CTNNA3: variants seen among roughly 807,000 people sequenced by gnomAD.
CTNNA3 encodes catenin alpha 3, also known as catenin alpha-3.
A neutral mutation model predicts 95.7 loss-of-function variants in CTNNA3; 76 were observed. The ratio of observed to expected loss-of-function variants is 0.79; its 90% confidence interval spans 0.66 to 0.96. The LOEUF is 0.96. Among genes scored for constraint, CTNNA3 ranks in the 40% least tolerant of loss-of-function variants. The pLI, the probability that CTNNA3 is intolerant of heterozygous loss-of-function variation, is 0.00. For missense variants in CTNNA3, 1,191 were observed against 1,089.8 expected, an observed-to-expected ratio of 1.09 and a Z score of -1.31; for synonymous variants, 431 against 374.4, an observed-to-expected ratio of 1.15 and a Z score of -1.74.
chr10:67,138,341 G>T (rs903268920), intron 7 of CTNNA3, among the ~76,000 whole-genome samples: 5 of 152,086 alleles, frequency 3.3e-5, no homozygotes, highest in Non-Finnish European at 5.9e-5. Flanking sequence ...ACTTTCCCAG[G>T]ATTTAACAAA....
intron 7 of CTNNA3, among the ~76,000 whole-genome samples, chr10:67,110,243 T>C (rs1277913000): frequency 6.6e-6 from 1 of 152,218 alleles, no homozygotes; most frequent in Non-Finnish European, 1.5e-5. Flanking sequence ...GTAGAGTCTA[T>C]AATTTGTTAG....
intron 16 of CTNNA3, among the ~76,000 whole-genome samples, chr10:65,986,859 A>G (rs929561432): frequency 2.6e-5 from 4 of 151,804 alleles, no homozygotes; most frequent in Non-Finnish European, 5.9e-5. Context: ...CATTAAAAAA[A>G]AAAACCACAT....
intron 5 of CTNNA3, among the ~76,000 whole-genome samples, chr10:67,256,909 TTTAG>T (rs1866372404): frequency 6.6e-6 from 1 of 152,148 alleles, no homozygotes; most frequent in African/African-American, 2.4e-5. Context: ...TAAGAAAAAG[TTTAG>T]TTAAATAAAA....
chr10:67,026,610 C>T (rs1469182344), intron 7 of CTNNA3, among the ~76,000 whole-genome samples: 1 of 152,086 alleles, frequency 6.6e-6, no homozygotes, highest in Non-Finnish European at 1.5e-5. Flanking sequence ...AAAGAACAGT[C>T]TTCTGAACAT....
chr10:67,401,884 G>A (rs1042886517), intron 5 of CTNNA3, among the ~76,000 whole-genome samples: 1 of 152,104 alleles, frequency 6.6e-6, no homozygotes, highest in South Asian at 2.1e-4. Flanking sequence ...ATTCTGCAAC[G>A]AAGACACCAT....
At chr10:66,420,835 A>AAATAAATAAATTAATTAATTAATT (rs751801209) in intron 11 of CTNNA3, among the ~76,000 whole-genome samples, 4 of 92,994 alleles carry the variant, frequency 4.3e-5, no homozygotes, top group African/African-American at 1.6e-4. Flanking sequence ...ATAAATAAAT[A>AAATAAATAAATTAATTAATTAATT]AATAAAAAAC....
intron 7 of CTNNA3, among the ~76,000 whole-genome samples, chr10:67,142,436 G>A (rs1290426351): frequency 6.6e-6 from 1 of 152,018 alleles, no homozygotes; most frequent in Admixed American, 6.6e-5. Context: ...TGAACCTGCT[G>A]GGTTAAAAAA....
chr10:67,352,014 C>T (rs1488547705), intron 5 of CTNNA3, among the ~76,000 whole-genome samples: 1 of 152,028 alleles, frequency 6.6e-6, no homozygotes, highest in Non-Finnish European at 1.5e-5. Flanking sequence ...ATGCCAAGCA[C>T]TGTGCTAGGC....
intron 15 of CTNNA3, among the ~76,000 whole-genome samples, chr10:66,022,939 C>T (rs1223686889): frequency 6.6e-6 from 1 of 152,166 alleles, no homozygotes; most frequent in Non-Finnish European, 1.5e-5. Context: ...TGAGGACTTC[C>T]CTAAAATAAT....
intron 7 of CTNNA3, among the ~76,000 whole-genome samples, chr10:67,177,302 C>G (rs1483489583): frequency 6.6e-6 from 1 of 152,160 alleles, no homozygotes; most frequent in East Asian, 1.9e-4. Flanking sequence ...TTTATTTAGA[C>G]TCAGAGGAGT....
intron 11 of CTNNA3, among the ~76,000 whole-genome samples, chr10:66,445,468 ACTGT>A (rs1477392568): frequency 6.6e-6 from 1 of 152,158 alleles, no homozygotes; most frequent in African/African-American, 2.4e-5. Flanking sequence ...ATTATAACAA[ACTGT>A]CTCTCAAACC....
At chr10:66,154,482 T>C (rs184574564) in intron 13 of CTNNA3, among the ~76,000 whole-genome samples, 250 of 151,588 alleles carry the variant, frequency 1.6e-3, no homozygotes, top group Admixed American at 6.2e-3. Flanking sequence ...TTTTAGTGGG[T>C]CTTAAAAATA....
intron 10 of CTNNA3, among the ~76,000 whole-genome samples, chr10:66,550,447 C>A (rs1842179913): frequency 6.6e-6 from 1 of 152,128 alleles, no homozygotes; most frequent in South Asian, 2.1e-4. Context: ...AGGCCAGCCA[C>A]CTAATTTAGC....
At chr10:67,360,416 G>GAAAAAAAA (rs74859730) in intron 5 of CTNNA3, among the ~76,000 whole-genome samples, 1 of 99,300 alleles carries the variant, frequency 1.0e-5, no homozygotes, top group African/African-American at 3.7e-5. Context: ...GAGCAAGCAG[G>GAAAAAAAA]AAAAAAAAAA....
chr10:67,422,070 C>G (rs566996391), intron 5 of CTNNA3, among the ~76,000 whole-genome samples: 3 of 151,886 alleles, frequency 2.0e-5, no homozygotes, highest in African/African-American at 7.3e-5. Flanking sequence ...ACAAGACAAA[C>G]TGAGAAAATC....
chr10:66,220,535 T>G (rs1014906620), intron 13 of CTNNA3, among the ~76,000 whole-genome samples: 1 of 152,212 alleles, frequency 6.6e-6, no homozygotes, highest in Non-Finnish European at 1.5e-5. Context: ...CTTTGCTGTC[T>G]ACGGACGGCT....
At chr10:67,355,114 TTG>T (rs1310171903) in intron 5 of CTNNA3, among the ~76,000 whole-genome samples, 1 of 152,036 alleles carries the variant, frequency 6.6e-6, no homozygotes, top group Non-Finnish European at 1.5e-5. Context: ...TTGTCAATGG[TTG>T]TCAAAGTGGG....
intron 7 of CTNNA3, among the ~76,000 whole-genome samples, chr10:66,780,809 G>A (rs896127852): frequency 6.6e-6 from 1 of 152,130 alleles, no homozygotes; most frequent in African/African-American, 2.4e-5. Context: ...ATAAGGTTTT[G>A]GCAGATCCCA....
chr10:67,557,604 G>A (rs1841304980), intron 3 of CTNNA3, among the ~76,000 whole-genome samples: 1 of 152,166 alleles, frequency 6.6e-6, no homozygotes, highest in African/African-American at 2.4e-5. Context: ...GTATACTCCT[G>A]AGAGACAAAT....
Sources: gnomAD v4.1 joint callset for allele counts (sites outside exome capture counted in the v4.1 genomes callset) on GRCh38, gnomAD v4.1.1 for gene constraint, MANE v1.5 for transcripts, NCBI Gene and HGNC (gene_info 2026-07-23, HGNC 2026-07-21) for gene names.